The following TECRL variants were observed in gnomAD, a reference collection of about 807,000 sequenced individuals.
TECRL encodes the protein trans-2,3-enoyl-CoA reductase like.
Under a neutral mutation model 52.8 loss-of-function variants are expected in TECRL, and 63 were observed. That is an observed-to-expected ratio of 1.19 (90% CI 0.97 to 1.47). The LOEUF (loss-of-function observed/expected upper bound fraction) is 1.47. TECRL is among the 40% of genes most tolerant of loss of function. TECRL has a pLI of 0.00. For synonymous variants in TECRL, 164 were observed against 141.9 expected (o/e 1.16, Z -1.10); for missense variants, 482 against 429.6 (o/e 1.12, Z -1.08).
rs192620489 is a variant in TECRL, at chr4:64,370,787, A to G, written c.286+4385T>C. On this transcript the variant is annotated intron_variant, in intron 2 of 11. Transcript: ENST00000381210. ...AAACTTTTATCTCAAGTAAGGATCCATGATATTTATGATGAATTATCCAGA... is the reference window on the plus strand; with the variant it reads ...AAACTTTTATCTCAAGTAAGGATCCGTGATATTTATGATGAATTATCCAGA... Among the ~76,000 whole-genome samples the G allele has an allele frequency of 1.8e-3, 267 of 151,984 alleles. 2 individuals are homozygous for G. The highest frequency in any genetic ancestry group is 3.2e-3 in the Non-Finnish European group (218 of 67,782).
chr4:64,311,263 T>G (rs1225453887), intron 5 of TECRL, among the ~76,000 whole-genome samples: 1 of 152,130 alleles, frequency 6.6e-6, no homozygotes, highest in Non-Finnish European at 1.5e-5. Context: ...GTGAACCTAT[T>G]ATGTAACATA....
At chr4:64,288,570 T>A (rs6854191) in intron 9 of TECRL, among the ~76,000 whole-genome samples, 32,012 of 152,044 alleles carry the variant, frequency 0.21, 3,517 homozygotes, top group South Asian at 0.28. Flanking sequence ...TTGCTCGGAA[T>A]TTAACGTGCA....
chr4:64,286,394 A>T (rs1376612836), intron 9 of TECRL, among the ~76,000 whole-genome samples: 1 of 152,110 alleles, frequency 6.6e-6, no homozygotes, highest in Non-Finnish European at 1.5e-5. Context: ...TAGCCAAAAA[A>T]GGGACAAAGA....
intron 2 of TECRL, among the ~76,000 whole-genome samples, chr4:64,345,831 T>TCCA (rs1437751490): frequency 3.6e-5 from 5 of 138,214 alleles, no homozygotes; most frequent in African/African-American, 1.3e-4. Flanking sequence ...GGTAATCTTT[T>TCCA]CCACTTTGAC....
intron 1 of TECRL, among the ~76,000 whole-genome samples, chr4:64,398,566 A>G (rs1577994581): frequency 6.6e-6 from 1 of 152,218 alleles, no homozygotes. Context: ...GCCTCCCCAT[A>G]AGCAGGTGCC....
At chr4:64,346,254 A>C (rs1041512655) in intron 2 of TECRL, among the ~76,000 whole-genome samples, 28 of 152,322 alleles carry the variant, frequency 1.8e-4, no homozygotes, top group Non-Finnish European at 1.0e-4. Flanking sequence ...TGGATCTACC[A>C]TTCTGGGATC....
In TECRL at chr4:64,322,221, T is replaced by C. The variant is rs1263105854; in HGVS notation, c.435+468A>G. On this transcript the variant is annotated intron_variant, in intron 4 of 11. Transcript: ENST00000381210. ...TCCCTAGTACATGTTTTCTTACACATTGTTACATTTCTTCCCTGCTATATA... is the reference window on the plus strand; with the variant it reads ...TCCCTAGTACATGTTTTCTTACACACTGTTACATTTCTTCCCTGCTATATA... 3.9e-5 allele frequency among the ~76,000 whole-genome samples: 6 copies of C among 152,008 alleles called. No individual in the cohort carries two copies. The East Asian group carries it at 1.2e-3, about 29-fold the overall frequency.
intron 10 of TECRL, among the ~76,000 whole-genome samples, 191 bp from the exon 11 acceptor site, chr4:64,281,277 A>G (rs1722815042): frequency 6.6e-6 from 1 of 152,080 alleles, no homozygotes; most frequent in Admixed American, 6.6e-5. Flanking sequence ...GATCATATTT[A>G]TAAGAAAATG....
At chr4:64,286,318 T>C (rs367954828) in intron 9 of TECRL, among the ~76,000 whole-genome samples, 2 of 152,016 alleles carry the variant, frequency 1.3e-5, no homozygotes, top group South Asian at 4.1e-4. Flanking sequence ...TAATATGAAA[T>C]ATATTTTCAT....
intron 1 of TECRL, among the ~76,000 whole-genome samples, chr4:64,396,987 G>T (rs961404813): frequency 2.0e-5 from 3 of 152,012 alleles, no homozygotes; most frequent in Non-Finnish European, 4.4e-5. Flanking sequence ...GTACTACAAG[G>T]CTACAATAAC....
downstream of TECRL, chr4:64,277,037 A>T (rs1192683710): frequency 6.7e-7 from 1 of 1,497,248 alleles, no homozygotes; most frequent in African/African-American, 1.4e-5. Context: ...TTGATGTCTT[A>T]GGCAGTGAGA....
At chr4:64,336,291 T>C (rs1204636106) in intron 2 of TECRL, among the ~76,000 whole-genome samples, 3 of 152,250 alleles carry the variant, frequency 2.0e-5, no homozygotes, top group African/African-American at 7.2e-5. Flanking sequence ...TTTTCTAGTT[T>C]ATTTGCGTAG....
intron 1 of TECRL, among the ~76,000 whole-genome samples, chr4:64,399,669 C>A (rs1318650361): frequency 1.3e-5 from 2 of 152,156 alleles, no homozygotes; most frequent in Non-Finnish European, 2.9e-5. Flanking sequence ...AACCCTGGTG[C>A]AAAGGGACTT....
At chr4:64,297,222 C>T (rs1723737515) in intron 8 of TECRL, among the ~76,000 whole-genome samples, 1 of 151,332 alleles carries the variant, frequency 6.6e-6, no homozygotes, top group African/African-American at 2.4e-5. Context: ...TAACCATTAA[C>T]AGTCTACAAA....
At chr4:64,326,460 C>T (rs138972854) in intron 3 of TECRL, among the ~76,000 whole-genome samples, 1 of 152,070 alleles carries the variant, frequency 6.6e-6, no homozygotes, top group Non-Finnish European at 1.5e-5. Context: ...ATTCCCACCC[C>T]TTGAATATGG....
chr4:64,317,662 T>G (rs1383873460), intron 4 of TECRL, among the ~76,000 whole-genome samples: 1 of 152,010 alleles, frequency 6.6e-6, no homozygotes, highest in Non-Finnish European at 1.5e-5. Context: ...AAGATTGTGG[T>G]TTTTTTGTAG....
At chr4:64,302,124 A>G (rs1467837103) in intron 7 of TECRL, among the ~76,000 whole-genome samples, 3 of 151,346 alleles carry the variant, frequency 2.0e-5, no homozygotes, top group Admixed American at 1.3e-4. Context: ...CAGTTTTACA[A>G]TTTTGATAAT....
intron 5 of TECRL, 103 bp from the exon 6 acceptor site, chr4:64,310,034 G>A (rs1724578994): frequency 1.7e-6 from 1 of 600,898 alleles, no homozygotes; most frequent in East Asian, 3.2e-5. Context: ...GCTAGCTATT[G>A]GGAAACATTG....
Position 64,384,673 on chromosome 4 carries a change from A to G in TECRL, c.235-9450T>C, listed in dbSNP as rs1056251695. 5.3e-5 allele frequency among the ~76,000 whole-genome samples: 8 copies of G among 152,080 alleles called. No individual in the cohort carries two copies. In the East Asian group the frequency reaches 5.8e-4, roughly 11 times the overall value. ...ATTGGTAGGGGCAGTGCCAGTTTGT[A>G]TGGACCTGTTCTCAGGCCCCCTGAT... is the stretch of plus-strand genomic sequence containing the variant. On this transcript the variant is annotated intron_variant, in intron 1 of 11. Coordinates refer to ENST00000381210, the MANE Select transcript of TECRL (RefSeq NM_001010874.5).
Sources: gnomAD v4.1 joint callset for allele counts (sites outside exome capture counted in the v4.1 genomes callset) on GRCh38, gnomAD v4.1.1 for gene constraint, MANE v1.5 for transcripts, NCBI Gene and HGNC (gene_info 2026-07-23, HGNC 2026-07-21) for gene names.